PRDM16: variants seen among roughly 807,000 people sequenced by gnomAD.
PRDM16 encodes PR/SET domain 16.
Under a neutral mutation model 110.6 loss-of-function variants are expected in PRDM16, and 23 were observed. That is an observed-to-expected ratio of 0.21 (90% CI 0.15 to 0.29). The LOEUF (loss-of-function observed/expected upper bound fraction) is 0.29, where lower values mean the gene tolerates loss of function less well. PRDM16 is among the 10% of genes least tolerant of loss of function. The pLI, the probability that PRDM16 is intolerant of heterozygous loss-of-function variation, is 1.00. For synonymous variants in PRDM16, 799 were observed against 781.8 expected (o/e 1.02, Z -0.37); for missense variants, 1,615 against 1,794.3 (o/e 0.90, Z 1.81).
intron 3 of PRDM16, among the ~76,000 whole-genome samples, chr1:3,253,388 G>A (rs1294407168): frequency 1.6e-5 from 2 of 122,500 alleles, no homozygotes; most frequent in African/African-American, 3.3e-5. Flanking sequence ...TCCCCAGAGT[G>A]TGATGTTCCC....
chr1:3,193,768 G>A (rs183836760), intron 2 of PRDM16, among the ~76,000 whole-genome samples: 89 of 152,334 alleles, frequency 5.8e-4, no homozygotes, highest in African/African-American at 2.0e-3. Flanking sequence ...GGAGGGGGTG[G>A]TCAGGAAAGC....
At chr1:3,221,837 C>A (rs898492433) in intron 2 of PRDM16, among the ~76,000 whole-genome samples, 3 of 152,258 alleles carry the variant, frequency 2.0e-5, no homozygotes, top group Admixed American at 1.3e-4. Flanking sequence ...ACACAGATGT[C>A]CACACACATA....
At chr1:3,263,787 A>G (rs1204816617) in intron 3 of PRDM16, among the ~76,000 whole-genome samples, 1 of 152,222 alleles carries the variant, frequency 6.6e-6, no homozygotes. Context: ...ACGTGAAGCC[A>G]GGAGAAGCCT....
At chr1:3,356,660 G>A (rs771351978) in intron 3 of PRDM16, among the ~76,000 whole-genome samples, 1 of 152,188 alleles carries the variant, frequency 6.6e-6, no homozygotes, top group African/African-American at 2.4e-5. Flanking sequence ...CCCCAGAGCG[G>A]CCCCAGGAGG....
At chr1:3,276,568 G>A (rs541271348) in intron 3 of PRDM16, among the ~76,000 whole-genome samples, 3 of 152,214 alleles carry the variant, frequency 2.0e-5, no homozygotes, top group African/African-American at 7.2e-5. Context: ...GTCTGACCCC[G>A]AGCTGTCCCA....
Position 3,217,990 on chromosome 1 carries a change from C to A in PRDM16, c.388-26097C>A, listed in dbSNP as rs536280878. Reference sequence around the variant, plus strand: ...TGGGGTCTGGGAAGGTAGCCAAATGCAGGAGGACACCGGAGCAATAAATCA... The same window carrying A: ...TGGGGTCTGGGAAGGTAGCCAAATGAAGGAGGACACCGGAGCAATAAATCA... On this transcript the variant is annotated intron_variant, in intron 2 of 16. Transcript: ENST00000270722. Among the ~76,000 whole-genome samples the A allele has an allele frequency of 2.6e-5, 4 of 152,346 alleles. No homozygotes were observed. In the South Asian group the frequency reaches 8.3e-4, roughly 32 times the overall value.
chr1:3,219,766 G>A (rs1321595775), intron 2 of PRDM16, among the ~76,000 whole-genome samples: 2 of 152,134 alleles, frequency 1.3e-5, no homozygotes, highest in African/African-American at 2.4e-5. Flanking sequence ...CTCTGTAACC[G>A]CCCGCCTGCC....
At position 3,245,791 on chromosome 1, in the gene PRDM16, G is replaced by A. The variant is rs1308192868; in HGVS notation, c.438+1654G>A. On this transcript the variant is annotated intron_variant, in intron 3 of 16. Coordinates refer to ENST00000270722, the MANE Select transcript of PRDM16 (RefSeq NM_022114.4). This position sits in a 1 kb window ranked among gnomAD's most constrained non-coding sequence, Gnocchi z 4.7. ...CAGTTAGCAGCGCTGCTGTATTTCCGAGAACTGCAGTATTTTCACTTCCCA... is the reference window on the plus strand; with the variant it reads ...CAGTTAGCAGCGCTGCTGTATTTCCAAGAACTGCAGTATTTTCACTTCCCA... Among the ~76,000 whole-genome samples, 1 of 152,124 alleles carries A rather than the reference G, an allele frequency of 6.6e-6. No individual in the cohort carries two copies. The highest frequency in any genetic ancestry group is 1.5e-5 in the Non-Finnish European group (1 of 68,034).
intron 3 of PRDM16, among the ~76,000 whole-genome samples, chr1:3,302,875 G>A (rs146128877): frequency 2.0e-5 from 3 of 152,318 alleles, no homozygotes; most frequent in Admixed American, 2.0e-4. Flanking sequence ...ACCCCTCGGT[G>A]CAAGTCCAGG....
At chr1:3,153,900 A>G (rs1643817586) in intron 1 of PRDM16, among the ~76,000 whole-genome samples, 3 of 152,372 alleles carry the variant, frequency 2.0e-5, no homozygotes, top group South Asian at 4.1e-4. Context: ...ATACGTGCAT[A>G]TCTACGTAGA....
Position 3,280,099 on chromosome 1 carries a change from T to G in PRDM16, c.438+35962T>G, listed in dbSNP as rs1569984390. Among the ~76,000 whole-genome samples the G allele has an allele frequency of 2.0e-5, 3 of 151,752 alleles. No homozygotes were observed. In the Middle Eastern group the frequency reaches 0.01, roughly 516 times the overall value. ...GAAAGTCAGAATTATCCATGAGTCC[T>G]CTATTGCTGTGTGGAAGCCAGTTAT... On this transcript the variant is annotated intron_variant, in intron 3 of 16. Coordinates refer to ENST00000270722, the MANE Select transcript of PRDM16 (RefSeq NM_022114.4).
intron 3 of PRDM16, among the ~76,000 whole-genome samples, chr1:3,273,975 G>GGA (rs1569971594): frequency 3.9e-5 from 3 of 76,468 alleles, no homozygotes; most frequent in African/African-American, 2.1e-4. Context: ...GTATGGGGAG[G>GGA]TAAAAAAAAA....
At position 3,426,151 on chromosome 1, in the gene PRDM16, CTCT is replaced by C. The variant is rs1557670103; in HGVS notation, c.3212_3214del (p.Ser1071del). On this transcript the variant is annotated inframe_deletion, in exon 14 of 17. Coordinates refer to ENST00000270722, the MANE Select transcript of PRDM16 (RefSeq NM_022114.4). ...ACGCACTTTTAGACGAGAAAGAAGA[CTCT>C]TATTTCTCGGAAATCAGAAACTTTA... 1 of 1,613,318 alleles carries C rather than the reference CTCT, an allele frequency of 6.2e-7. No individual in the cohort carries two copies. The highest frequency in any genetic ancestry group is 1.7e-5 in the Admixed American group (1 of 60,008).
At position 3,366,189 on chromosome 1, in the gene PRDM16, G is replaced by A. The variant is rs117628234; in HGVS notation, c.439-18963G>A. Among the ~76,000 whole-genome samples, 1,388 of 152,354 alleles carry A rather than the reference G, an allele frequency of 9.1e-3. 19 individuals are homozygous for A. The highest frequency in any genetic ancestry group is 0.056 in the South Asian group (273 of 4,834). ...GGAGAACACAGGCTTCGCACAGCTTGGTCCGGCTGGAATGAATTCTTTCCT... is the reference window on the plus strand; with the variant it reads ...GGAGAACACAGGCTTCGCACAGCTTAGTCCGGCTGGAATGAATTCTTTCCT... On this transcript the variant is annotated intron_variant, in intron 3 of 16. Transcript: ENST00000270722.
intron 3 of PRDM16, among the ~76,000 whole-genome samples, chr1:3,283,348 C>A (rs953183595): frequency 6.6e-6 from 1 of 152,182 alleles, no homozygotes; most frequent in Admixed American, 6.5e-5. Flanking sequence ...TGCCCCCCAA[C>A]CTTGTTCATT....
In PRDM16 at chr1:3,186,316, G is replaced by C. The variant is rs374449916; in HGVS notation, c.229G>C (p.Asp77His). 7 of 1,612,184 alleles carry C rather than the reference G, an allele frequency of 4.3e-6. No homozygotes were observed. The highest frequency in any genetic ancestry group is 5.9e-6 in the Non-Finnish European group (7 of 1,179,750). Residue 77 changes from aspartate to histidine, a missense_variant, in exon 2 of 17, where the codon GAC becomes CAC. Coordinates refer to ENST00000270722, the MANE Select transcript of PRDM16 (RefSeq NM_022114.4). The part of the protein sequence containing the change: ...PYEAPVYIPE[D>H]IPIPADFELR... ...CGAGGCCCCTGTCTACATTCCTGAA[G>C]ACATTCCGATCCCAGCAGACTTCGA...
chr1:3,275,501 C>A (rs1424571000), intron 3 of PRDM16, among the ~76,000 whole-genome samples: 1 of 152,166 alleles, frequency 6.6e-6, no homozygotes, highest in Non-Finnish European at 1.5e-5. Context: ...GACTTCCGGA[C>A]AAACAGTTGT....
chr1:3,252,580 C>T (rs1359308574), intron 3 of PRDM16, among the ~76,000 whole-genome samples: 2 of 152,180 alleles, frequency 1.3e-5, no homozygotes, highest in Non-Finnish European at 2.9e-5. Context: ...TAAGAAGCCA[C>T]CTGCTGTTAG....
Position 3,244,337 on chromosome 1 carries a change from G to A in PRDM16, c.438+200G>A, listed in dbSNP as rs1284818651. Among the ~76,000 whole-genome samples the A allele has an allele frequency of 2.0e-5, 3 of 152,108 alleles. No homozygotes were observed. The highest frequency in any genetic ancestry group is 7.2e-5 in the African/African-American group (3 of 41,428). ...TGTCATTAGGAGGGATGGGGAGGTG[G>A]GGGTCATGTCGCCGTAGGGTCACAG... On this transcript the variant is annotated intron_variant, in intron 3 of 16. Coordinates refer to ENST00000270722, the MANE Select transcript of PRDM16 (RefSeq NM_022114.4). This position sits in a 1 kb window ranked among gnomAD's most constrained non-coding sequence, Gnocchi z 4.1.
Sources: allele counts gnomAD v4.1 joint callset (sites outside exome capture counted in the v4.1 genomes callset), GRCh38; gene constraint gnomAD v4.1.1; non-coding constraint Gnocchi (gnomAD v3.1); transcripts MANE v1.5; gene names NCBI Gene and HGNC (gene_info 2026-07-23, HGNC 2026-07-21).